ZNRF1: variants seen among roughly 807,000 people sequenced by gnomAD.
ZNRF1 encodes E3 ubiquitin-protein ligase ZNRF1.
Under a neutral mutation model 18.4 loss-of-function variants are expected in ZNRF1, and 3 were observed. The observed-to-expected ratio is 0.16, with a 90% confidence interval of 0.07 to 0.42. The LOEUF (loss-of-function observed/expected upper bound fraction) is 0.42, where lower values mean the gene tolerates loss of function less well. Ranked by LOEUF, ZNRF1 falls within the 10% of genes least tolerant of loss-of-function variation. The pLI is 0.99. For missense variants in ZNRF1, 310 were observed against 329.8 expected, an observed-to-expected ratio of 0.94 and a Z score of 0.47; for synonymous variants, 157 against 144.2, an observed-to-expected ratio of 1.09 and a Z score of -0.64.
At chr16:75,097,817 A>G (rs2036216867) in intron 2 of ZNRF1, among the ~76,000 whole-genome samples, 1 of 152,208 alleles carries the variant, frequency 6.6e-6, no homozygotes, top group African/African-American at 2.4e-5. Context: ...CCCTGTCTCA[A>G]AAAATAAAAT....
chr16:75,069,549 A>T (rs1181141188), intron 1 of ZNRF1, among the ~76,000 whole-genome samples: 1 of 152,102 alleles, frequency 6.6e-6, no homozygotes, highest in African/African-American at 2.4e-5. Context: ...GAGTAGCTGG[A>T]ACTACAGGTG....
At chr16:75,078,296 C>CTTTTTTTTTTTTT (rs36075131) in intron 1 of ZNRF1, among the ~76,000 whole-genome samples, 1 of 113,128 alleles carries the variant, frequency 8.8e-6, no homozygotes, top group Non-Finnish European at 1.8e-5. Flanking sequence ...TCTTTCTTTC[C>CTTTTTTTTTTTTT]TTTTTTTTTT....
chr16:75,064,782 G>A (rs2035782439), intron 1 of ZNRF1, among the ~76,000 whole-genome samples: 1 of 152,196 alleles, frequency 6.6e-6, no homozygotes, highest in South Asian at 2.1e-4. Context: ...TTTTCAGGCT[G>A]TTCCTGGCCC....
At position 75,106,469 on chromosome 16, in the gene ZNRF1, C is replaced by A. The variant is rs1259347103; in HGVS notation, c.627-13C>A. On this transcript the variant is annotated splice_polypyrimidine_tract_variant and intron_variant, in intron 3 of 4. Coordinates refer to ENST00000335325, the MANE Select transcript of ZNRF1 (RefSeq NM_032268.5). ...CAGGTAACGTGGTTTCCCTTGCGGC[C>A]CCCTCCTCCCAGCTGCATAGACTCG... 6.2e-7 allele frequency: 1 copy of A among 1,614,094 alleles called. No individual in the cohort carries two copies. The highest frequency in any genetic ancestry group is 1.1e-5 in the South Asian group (1 of 91,086).
At chr16:75,048,825 G>C (rs1308492414) in intron 1 of ZNRF1, among the ~76,000 whole-genome samples, 3 of 152,148 alleles carry the variant, frequency 2.0e-5, no homozygotes, top group South Asian at 2.1e-4. Flanking sequence ...CGCAGATCTC[G>C]TTTCCCAGTA....
At position 74,999,860 on chromosome 16, in the gene ZNRF1, G is replaced by T. The variant is rs1196294953; in HGVS notation, c.189G>T (p.Thr63=). ...SVAGMGMDPS[T]AGGVPFGLYT... Reference sequence around the variant, plus strand: ...CAGGCATGGGCATGGACCCCAGCACGGCCGGGGGGGTGCCCTTTGGCCTCT... The same window carrying T: ...CAGGCATGGGCATGGACCCCAGCACTGCCGGGGGGGTGCCCTTTGGCCTCT... Residue 63 remains threonine (T), a synonymous_variant, in exon 1 of 5, where the codon ACG becomes ACT. Coordinates refer to ENST00000335325, the MANE Select transcript of ZNRF1 (RefSeq NM_032268.5). 6 of 1,513,110 alleles carry T rather than the reference G, an allele frequency of 4.0e-6. No individual in the cohort carries two copies. Among genetic ancestry groups the T allele is most frequent in the Admixed American group, 4.3e-5 (2 of 46,582 alleles). The allele number at this position is 1,513,110 out of a possible 1,614,324, so 93.7% of individuals were successfully genotyped here. A position where few individuals can be genotyped will look rare whatever the true frequency, so the allele number is the denominator to read the frequency against.
chr16:75,093,107 G>A (rs939968202), intron 1 of ZNRF1, among the ~76,000 whole-genome samples: 6 of 152,150 alleles, frequency 3.9e-5, no homozygotes, highest in African/African-American at 9.7e-5. Context: ...AAATGCCACC[G>A]GGCGCGGTGG....
chr16:75,096,061 C>T (rs11646899), intron 2 of ZNRF1, among the ~76,000 whole-genome samples: 23,378 of 139,834 alleles, frequency 0.17, 2,542 homozygotes, highest in East Asian at 0.44. Flanking sequence ...TATGTGTGCA[C>T]GTGTGTGTGT....
At position 75,106,491 on chromosome 16, in the gene ZNRF1, C is replaced by G. The variant is rs763602408; in HGVS notation, c.636C>G (p.Asp212Glu). Residue 212 changes from aspartate (D) to glutamate (E), a missense_variant, in exon 4 of 5, where the codon GAC becomes GAG. Coordinates refer to ENST00000335325, the MANE Select transcript of ZNRF1 (RefSeq NM_032268.5). Reference sequence around the variant, plus strand: ...GGCCCCCTCCTCCCAGCTGCATAGACTCGTGGTTTGAAGTGAACAGATCTT... The same window carrying G: ...GGCCCCCTCCTCCCAGCTGCATAGAGTCGTGGTTTGAAGTGAACAGATCTT... ...CLCIYHKSCIDSWFEVNRSCP... is the reference protein window; with the variant it reads ...CLCIYHKSCIESWFEVNRSCP... 1.2e-6 allele frequency: 2 copies of G among 1,614,016 alleles called. No individual in the cohort carries two copies.
At chr16:75,019,877 A>G (rs1457754627) in intron 1 of ZNRF1, among the ~76,000 whole-genome samples, 8 of 151,984 alleles carry the variant, frequency 5.3e-5, no homozygotes, top group Non-Finnish European at 1.0e-4. Flanking sequence ...GGCACACACC[A>G]CCACACCCTG....
At chr16:75,027,124 A>C (rs1200500861) in intron 1 of ZNRF1, among the ~76,000 whole-genome samples, 3 of 151,352 alleles carry the variant, frequency 2.0e-5, no homozygotes, top group African/African-American at 7.3e-5. Context: ...GTGTGGCTCT[A>C]GCCATGTATA....
At chr16:75,074,742 A>AT (rs1597896824) in intron 1 of ZNRF1, among the ~76,000 whole-genome samples, 1 of 151,958 alleles carries the variant, frequency 6.6e-6, no homozygotes, top group African/African-American at 2.4e-5. Flanking sequence ...ACTCTATTCA[A>AT]TTTTTTTGTT....
chr16:75,026,910 AAAAG>A (rs201370612), intron 1 of ZNRF1, among the ~76,000 whole-genome samples: 13,892 of 151,568 alleles, frequency 0.092, 1,280 homozygotes, highest in African/African-American at 0.22. Flanking sequence ...CTCAAAAAAA[AAAAG>A]AAAGAAAGAA....
At chr16:75,068,519 G>C (rs572219341) in intron 1 of ZNRF1, among the ~76,000 whole-genome samples, 23 of 152,160 alleles carry the variant, frequency 1.5e-4, no homozygotes, top group South Asian at 1.0e-3. Flanking sequence ...CCTTTTTCAC[G>C]GATTGTCTAC....
intron 1 of ZNRF1, among the ~76,000 whole-genome samples, chr16:75,063,211 G>A (rs2035763875): frequency 6.6e-6 from 1 of 152,142 alleles, no homozygotes; most frequent in African/African-American, 2.4e-5. Flanking sequence ...CTTCCCCAGC[G>A]CCACGCCAGC....
intron 1 of ZNRF1, among the ~76,000 whole-genome samples, chr16:75,014,766 A>T (rs1026307657): frequency 1.3e-5 from 2 of 152,138 alleles, no homozygotes; most frequent in Admixed American, 1.3e-4. Flanking sequence ...CTGAAATAAC[A>T]TATTTTTGCT....
chr16:75,070,398 T>A (rs1175363796), intron 1 of ZNRF1, among the ~76,000 whole-genome samples: 7 of 152,210 alleles, frequency 4.6e-5, no homozygotes, highest in African/African-American at 1.7e-4. Context: ...ATAAGCCACC[T>A]CTGAACTGTT....
chr16:75,030,700 T>A (rs780299445), intron 1 of ZNRF1, among the ~76,000 whole-genome samples: 7 of 152,222 alleles, frequency 4.6e-5, no homozygotes, highest in Non-Finnish European at 8.8e-5. Flanking sequence ...TTTCTGCCTA[T>A]GTAAACTTGC....
rs143423407 is a variant in ZNRF1, at chr16:75,040,996, C to T, written c.424+40901C>T. ...TAGTTTTTATTGCTAAATAGTATTC[C>T]ATTATATGAATTTACCACAGTCAGT... On this transcript the variant is annotated intron_variant, in intron 1 of 4. Transcript: ENST00000335325. 8.7e-3 allele frequency among the ~76,000 whole-genome samples: 1,319 copies of T among 152,214 alleles called. 19 individuals are homozygous for T. Among genetic ancestry groups the T allele is most frequent in the African/African-American group, 0.03 (1,239 of 41,534 alleles).
Sources: allele counts gnomAD v4.1 joint callset (sites outside exome capture counted in the v4.1 genomes callset), GRCh38; gene constraint gnomAD v4.1.1; transcripts MANE v1.5; gene names NCBI Gene and HGNC (gene_info 2026-07-23, HGNC 2026-07-21).